Variants in MCOLN3 observed in about 807,000 individuals in gnomAD.
The protein encoded by MCOLN3 is mucolipin TRP cation channel 3.
Under a neutral mutation model 69.4 loss-of-function variants are expected in MCOLN3, and 62 were observed. That is an observed-to-expected ratio of 0.89 (90% CI 0.73 to 1.10). The LOEUF (loss-of-function observed/expected upper bound fraction) is 1.10. MCOLN3 is among the 50% of genes least tolerant of loss of function. The pLI is 0.00. For missense variants in MCOLN3, 564 were observed against 656.4 expected, an observed-to-expected ratio of 0.86 and a Z score of 1.54; for synonymous variants, 183 against 217.0, an observed-to-expected ratio of 0.84 and a Z score of 1.38.
intron 3 of MCOLN3, among the ~76,000 whole-genome samples, chr1:85,040,394 G>T (rs77494280): frequency 0.022 from 3,391 of 152,246 alleles, 137 homozygotes; most frequent in African/African-American, 0.078. Flanking sequence ...CTTCAAGGAC[G>T]CTTTCAATGA....
At chr1:85,034,361 G>T in intron 3 of MCOLN3, 110 bp from the exon 4 acceptor site, 2 of 1,095,584 alleles carry the variant, frequency 1.8e-6, no homozygotes, top group South Asian at 2.9e-5. Flanking sequence ...TTGGGATAGA[G>T]ACATTCACTT....
intron 2 of MCOLN3, among the ~76,000 whole-genome samples, chr1:85,044,511 C>A (rs1202550202): frequency 6.6e-6 from 1 of 152,088 alleles, no homozygotes; most frequent in East Asian, 1.9e-4. Context: ...AAATCACAAC[C>A]AGTATATATT....
At chr1:85,039,082 A>T (rs941003966) in intron 3 of MCOLN3, among the ~76,000 whole-genome samples, 2 of 152,106 alleles carry the variant, frequency 1.3e-5, no homozygotes, top group Admixed American at 6.5e-5. Flanking sequence ...AACTGACCTC[A>T]TTAGACCTCA....
intron 3 of MCOLN3, among the ~76,000 whole-genome samples, chr1:85,039,402 T>C (rs962379520): frequency 1.1e-4 from 16 of 152,200 alleles, no homozygotes; most frequent in African/African-American, 3.9e-4. Context: ...TTCCATCATG[T>C]AAGAATACAG....
intron 3 of MCOLN3, chr1:85,036,870 T>C (rs1339796455): frequency 1.3e-5 from 2 of 152,192 alleles, no homozygotes; most frequent in Non-Finnish European, 2.9e-5. Flanking sequence ...ATCATTACCC[T>C]AAACCAAAAG....
intron 12 of MCOLN3, among the ~76,000 whole-genome samples, chr1:85,020,049 C>G (rs1651849644): frequency 6.6e-6 from 1 of 152,212 alleles, no homozygotes; most frequent in Admixed American, 6.5e-5. Context: ...TTAGAGCTCT[C>G]AGATGTCACC....
At chr1:85,046,355 AT>A (rs2102948243) in intron 1 of MCOLN3, among the ~76,000 whole-genome samples, 1 of 151,788 alleles carries the variant, frequency 6.6e-6, no homozygotes, top group East Asian at 1.9e-4. Context: ...GGCTGGTTTT[AT>A]TGTCTTCAGA....
chr1:85,022,879 C>T (rs1287505001), intron 9 of MCOLN3: 1 of 153,552 alleles, frequency 6.5e-6, no homozygotes, highest in Admixed American at 6.5e-5. Flanking sequence ...AGGTGGCACT[C>T]ACCAAGTTTG....
chr1:85,024,033 C>A (rs1315531524), intron 9 of MCOLN3, among the ~76,000 whole-genome samples: 1 of 151,876 alleles, frequency 6.6e-6, no homozygotes, highest in East Asian at 1.9e-4. Context: ...GAACAGACAC[C>A]GAAAGAATGA....
At chr1:85,026,701 G>A (rs1652241001) in intron 7 of MCOLN3, among the ~76,000 whole-genome samples, 1 of 150,424 alleles carries the variant, frequency 6.6e-6, no homozygotes, top group South Asian at 2.1e-4. Flanking sequence ...AGTTTGCAGT[G>A]AGCCAAGATC....
At chr1:85,029,296 G>C (rs984105437) in intron 6 of MCOLN3, 91 bp from the exon 7 acceptor site, 1 of 741,148 alleles carries the variant, frequency 1.3e-6, no homozygotes. Context: ...TCTTTCAAGG[G>C]GACAGGAGAC....
chr1:85,018,871 C>T lies in MCOLN3; in HGVS notation c.*252G>A. On this transcript the variant is annotated 3_prime_UTR_variant, in exon 13 of 13. Transcript: ENST00000370589. ...TACAGAATACATTCTAAAGCCATGG[C>T]AAAATAAACAAGAAATAATAATAAT... The T allele has an allele frequency of 2.6e-6, 1 of 382,114 alleles. No homozygotes were observed. Among genetic ancestry groups the T allele is most frequent in the Admixed American group, 4.3e-5 (1 of 23,012 alleles). 23.7% of individuals were successfully genotyped at this position (382,114 alleles called of 1,614,324 possible). A position where few individuals can be genotyped will look rare whatever the true frequency, so the allele number is the denominator to read the frequency against.
chr1:85,034,820 C>T (rs1248181790), intron 3 of MCOLN3, among the ~76,000 whole-genome samples: 1 of 152,160 alleles, frequency 6.6e-6, no homozygotes, highest in African/African-American at 2.4e-5. Context: ...CTTACGGTGC[C>T]TTGGAATAAC....
At chr1:85,029,260 C>A (rs1652387359) in intron 6 of MCOLN3, 55 bp from the exon 7 acceptor site, 3 of 1,047,188 alleles carry the variant, frequency 2.9e-6, no homozygotes, top group South Asian at 2.6e-5. Flanking sequence ...AGCCAAGAAA[C>A]CTCTACACAT....
At chr1:85,019,345 G>A (rs910696304) in intron 12 of MCOLN3, 88 bp from the exon 13 acceptor site, 1 of 1,329,988 alleles carries the variant, frequency 7.5e-7, no homozygotes, top group Non-Finnish European at 1.1e-6. Flanking sequence ...TTTGGCAAGG[G>A]AGGGGGTTTT....
chr1:85,031,054 C>T (rs1197601193), intron 6 of MCOLN3, among the ~76,000 whole-genome samples: 3 of 151,942 alleles, frequency 2.0e-5, no homozygotes, highest in African/African-American at 4.8e-5. Flanking sequence ...GGGTGGATCA[C>T]GAGGTCAAGA....
Position 85,019,152 on chromosome 1 carries a change from C to G in MCOLN3, c.1633G>C (p.Val545Leu), listed in dbSNP as rs770382295. The change falls in exon 13 of 13, where the codon GTA becomes CTA. Residue 545 changes from valine to leucine, a missense_variant. Physicochemically the swap from Val to Leu is conservative, Grantham distance 32. Transcript: ENST00000370589. ...TTTTTACAACAGCAGAATAAAGATA[C>G]TGGAGGGTCATCTTCTAATCTGTAT... ...GKYRLEDDPP[V>L]SLFCCCKK The G allele has an allele frequency of 6.2e-7, 1 of 1,613,604 alleles. No homozygotes were observed. Among genetic ancestry groups the G allele is most frequent in the South Asian group, 1.1e-5 (1 of 91,036 alleles).
In MCOLN3 at chr1:85,018,965, T is replaced by C; in HGVS notation, c.*158A>G. ...CATAAAGTTGCAAAGACATTAAATA[T>C]TGCTTTTAAAAATATAAACAGTTAT... is the stretch of plus-strand genomic sequence containing the variant. On this transcript the variant is annotated 3_prime_UTR_variant, in exon 13 of 13. Coordinates refer to ENST00000370589, the MANE Select transcript of MCOLN3 (RefSeq NM_018298.11). 1.6e-6 allele frequency: 1 copy of C among 643,760 alleles called. No individual in the cohort carries two copies. Among genetic ancestry groups the C allele is most frequent in the Admixed American group, 3.6e-5 (1 of 27,960 alleles). 39.9% of individuals were successfully genotyped at this position (643,760 alleles called of 1,614,324 possible). A position where few individuals can be genotyped will look rare whatever the true frequency, so the allele number is the denominator to read the frequency against.
At chr1:85,020,287 T>C (rs1214446862) in intron 12 of MCOLN3, among the ~76,000 whole-genome samples, 1 of 152,226 alleles carries the variant, frequency 6.6e-6, no homozygotes, top group East Asian at 1.9e-4. Flanking sequence ...TTCATCATTA[T>C]CAGCTTCAAA....
Sources: allele counts gnomAD v4.1 joint callset (sites outside exome capture counted in the v4.1 genomes callset), GRCh38; gene constraint gnomAD v4.1.1; transcripts MANE v1.5; gene names NCBI Gene and HGNC (gene_info 2026-07-23, HGNC 2026-07-21).